TOX3: variants seen among roughly 807,000 people sequenced by gnomAD.
TOX3 encodes TOX high mobility group box family member 3.
TOX3 carries 22 observed loss-of-function variants against 64.3 expected under a neutral mutation model. The ratio of observed to expected loss-of-function variants is 0.34; its 90% confidence interval spans 0.24 to 0.49. The LOEUF (loss-of-function observed/expected upper bound fraction) is 0.49. TOX3 is among the 20% of genes least tolerant of loss of function. TOX3 has a pLI of 0.99. For missense variants in TOX3, 661 were observed against 714.4 expected, an observed-to-expected ratio of 0.93 and a Z score of 0.85; for synonymous variants, 291 against 273.6, an observed-to-expected ratio of 1.06 and a Z score of -0.63.
chr16:52,444,339 T>C lies in TOX3; in HGVS notation c.924A>G (p.Thr308=). 6.3e-7 allele frequency: 1 copy of C among 1,583,226 alleles called. No individual in the cohort carries two copies. Among genetic ancestry groups the C allele is most frequent in the Non-Finnish European group, 8.6e-7 (1 of 1,162,700 alleles). ...TCAGGTATTCTTTTTTGGCAGCTTC[T>C]GTTTTCCTTTTATATACCTATTAAA... ...EEQKQVYKRK[T]EAAKKEYLKA... is the part of the protein sequence containing the mutation. The change falls in exon 6 of 7, where the codon ACA becomes ACG. Residue 308 remains threonine (T), a synonymous_variant. Coordinates refer to ENST00000219746, the MANE Select transcript of TOX3 (RefSeq NM_001080430.4).
chr16:52,532,734 G>C (rs1962877545), intron 1 of TOX3, among the ~76,000 whole-genome samples: 2 of 152,188 alleles, frequency 1.3e-5, no homozygotes, highest in Non-Finnish European at 2.9e-5. Context: ...TCAAGCTTTA[G>C]GAGGATATTC....
intron 6 of TOX3, among the ~76,000 whole-genome samples, chr16:52,441,064 G>A (rs1050295764): frequency 6.6e-6 from 1 of 151,950 alleles, no homozygotes; most frequent in Non-Finnish European, 1.5e-5. Flanking sequence ...CCCTGGCCAG[G>A]TTATATGGTA....
intron 1 of TOX3, among the ~76,000 whole-genome samples, chr16:52,535,916 G>C (rs1366810738): frequency 6.6e-6 from 1 of 152,198 alleles, no homozygotes; most frequent in African/African-American, 2.4e-5. Flanking sequence ...CATCACAACT[G>C]TAGTCCAACT....
At chr16:52,534,118 A>G (rs1275299164) in intron 1 of TOX3, among the ~76,000 whole-genome samples, 1 of 152,224 alleles carries the variant, frequency 6.6e-6, no homozygotes, top group Non-Finnish European at 1.5e-5. Context: ...CATTGTGGAC[A>G]ATGACCAAGA....
At chr16:52,492,229 T>TATATATA (rs1961707081) in intron 1 of TOX3, among the ~76,000 whole-genome samples, 1 of 147,060 alleles carries the variant, frequency 6.8e-6, no homozygotes, top group Admixed American at 6.8e-5. Context: ...TATTATATAT[T>TATATATA]ATATATATTT....
intron 1 of TOX3, among the ~76,000 whole-genome samples, chr16:52,536,734 G>T (rs575130865): frequency 7.0e-6 from 1 of 143,200 alleles, no homozygotes; most frequent in African/African-American, 2.6e-5. Flanking sequence ...CAGCCACTGA[G>T]AATCTTATTC....
intron 1 of TOX3, among the ~76,000 whole-genome samples, chr16:52,535,487 G>A (rs183145042): frequency 5.3e-5 from 8 of 152,268 alleles, no homozygotes; most frequent in Non-Finnish European, 1.2e-4. Context: ...ATAAGGATAA[G>A]GGTCACAGGA....
intron 6 of TOX3, 36 bp downstream of exon 6, chr16:52,444,240 C>T (rs1232577128): frequency 2.0e-6 from 3 of 1,486,164 alleles, no homozygotes; most frequent in Admixed American, 4.1e-5. Flanking sequence ...CACGCTGTGA[C>T]TATTTTGGAG....
chr16:52,448,925 T>C (rs1960251240), intron 4 of TOX3, among the ~76,000 whole-genome samples: 1 of 152,234 alleles, frequency 6.6e-6, no homozygotes, highest in Non-Finnish European at 1.5e-5. Flanking sequence ...CCTCTCTTTG[T>C]GGGTTGCTCC....
chr16:52,501,670 A>G (rs530126637), intron 1 of TOX3, among the ~76,000 whole-genome samples: 5 of 144,188 alleles, frequency 3.5e-5, no homozygotes, highest in African/African-American at 1.5e-4. Flanking sequence ...AAAAACAAAC[A>G]AACAAACAAA....
chr16:52,513,654 A>T (rs1370968943), intron 1 of TOX3, among the ~76,000 whole-genome samples: 2 of 152,236 alleles, frequency 1.3e-5, no homozygotes, highest in East Asian at 3.8e-4. Flanking sequence ...TCTAAAGCTA[A>T]ACCTCTACTG....
Position 52,450,454 on chromosome 16 carries a change from C to T in TOX3, c.501G>A (p.Gly167=). ...TGGTGAGCTGGGCAGGAGGCATGAC[C>T]CCAGAACGCGCAGCATCGGTCATGT... ...IVHMTDAARS[G]VMPPAQLTTI... Residue 167 remains glycine (G), a synonymous_variant, in exon 4 of 7, where the codon GGG becomes GGA. Coordinates refer to ENST00000219746, the MANE Select transcript of TOX3 (RefSeq NM_001080430.4). 6.2e-7 allele frequency: 1 copy of T among 1,613,976 alleles called. No homozygotes were observed. The highest frequency in any genetic ancestry group is 8.5e-7 in the Non-Finnish European group (1 of 1,179,880).
intron 1 of TOX3, among the ~76,000 whole-genome samples, chr16:52,483,747 T>G (rs1407628721): frequency 6.6e-6 from 1 of 151,622 alleles, no homozygotes; most frequent in African/African-American, 2.4e-5. Context: ...TTTTGTATTT[T>G]TATTAGAGAC....
chr16:52,518,333 GT>G (rs1235672441), intron 1 of TOX3, among the ~76,000 whole-genome samples: 9 of 152,252 alleles, frequency 5.9e-5, no homozygotes, highest in African/African-American at 2.2e-4. Flanking sequence ...TGCCAGAGCT[GT>G]ATAAATTTGA....
intron 1 of TOX3, among the ~76,000 whole-genome samples, chr16:52,533,179 T>A (rs1962885119): frequency 6.6e-6 from 1 of 152,168 alleles, no homozygotes; most frequent in Non-Finnish European, 1.5e-5. Context: ...TAAATGTGAA[T>A]GGTCCTTTCT....
chr16:52,522,925 A>G (rs1962642486), intron 1 of TOX3, among the ~76,000 whole-genome samples: 1 of 152,200 alleles, frequency 6.6e-6, no homozygotes, highest in African/African-American at 2.4e-5. Flanking sequence ...GGCCTCCTCT[A>G]TAGCAGGCAC....
intron 3 of TOX3, among the ~76,000 whole-genome samples, chr16:52,454,655 C>T (rs751943046): frequency 4.6e-5 from 7 of 152,164 alleles, no homozygotes; most frequent in Non-Finnish European, 8.8e-5. Flanking sequence ...AAAGATGTTA[C>T]CCTTGATCTT....
chr16:52,502,132 G>C (rs1567338446), intron 1 of TOX3, among the ~76,000 whole-genome samples: 1 of 152,178 alleles, frequency 6.6e-6, no homozygotes, highest in Non-Finnish European at 1.5e-5. Context: ...TGTAGGCACT[G>C]TAAGACAAAC....
intron 1 of TOX3, among the ~76,000 whole-genome samples, chr16:52,477,352 G>T (rs1436102557): frequency 6.6e-6 from 1 of 152,128 alleles, no homozygotes; most frequent in Admixed American, 6.5e-5. Context: ...AAAGGATTTT[G>T]TTAGAGGAAG....
Sources: gnomAD v4.1 joint callset for allele counts (sites outside exome capture counted in the v4.1 genomes callset) on GRCh38, gnomAD v4.1.1 for gene constraint, MANE v1.5 for transcripts, NCBI Gene and HGNC (gene_info 2026-07-23, HGNC 2026-07-21) for gene names.